The following ASAP2 variants were observed in gnomAD, a reference collection of about 807,000 sequenced individuals.
The protein encoded by ASAP2 is arf-GAP with SH3 domain, ANK repeat and PH domain-containing protein 2.
In ASAP2, 45 loss-of-function variants were observed where a neutral mutation model predicts 131.4. The observed-to-expected ratio is 0.34, with a 90% CI of 0.27 to 0.44. The LOEUF is 0.44. Ranked by LOEUF, ASAP2 falls within the 20% of genes least tolerant of loss-of-function variation. ASAP2 has a pLI of 1.00. For missense variants in ASAP2, 1,011 were observed against 1,297.0 expected (o/e 0.78, Z 3.39); for synonymous variants, 510 against 503.0 (o/e 1.01, Z -0.19).
chr2:9,216,683 A>C (rs1238581527), intron 1 of ASAP2, among the ~76,000 whole-genome samples: 1 of 150,374 alleles, frequency 6.7e-6, no homozygotes, highest in Non-Finnish European at 1.5e-5. Flanking sequence ...CTGGTCTCGA[A>C]CTCCTGACCT....
intron 3 of ASAP2, among the ~76,000 whole-genome samples, chr2:9,303,761 A>G (rs1668645897): frequency 6.6e-6 from 1 of 152,260 alleles, no homozygotes; most frequent in Non-Finnish European, 1.5e-5. Flanking sequence ...TGGTTGTGGC[A>G]TAGCCACATA....
rs116955299 is a variant in ASAP2 at position 9,217,271 on chromosome 2, G to A, written c.126+10041G>A. ...TTCTGGCAAATCCTTGTTGCTTCTC[G>A]TTTCCTGTTTGCCTCATCTGTCCTC... On this transcript the variant is annotated intron_variant, in intron 1 of 27. Transcript: ENST00000281419. This position sits in a 1 kb window ranked among gnomAD's most constrained non-coding sequence, Gnocchi z 4.0. 0.024 allele frequency among the ~76,000 whole-genome samples: 3,702 copies of A among 152,208 alleles called. 102 individuals carry two copies. The highest frequency in any genetic ancestry group is 0.087 in the Admixed American group (1,328 of 15,296).
At chr2:9,291,100 A>G (rs1667779349) in intron 2 of ASAP2, among the ~76,000 whole-genome samples, 1 of 152,226 alleles carries the variant, frequency 6.6e-6, no homozygotes, top group Non-Finnish European at 1.5e-5. Context: ...TTTAAAAGCC[A>G]ACATAATATT....
At chr2:9,352,132 G>GT (rs1672375886) in intron 12 of ASAP2, among the ~76,000 whole-genome samples, 1 of 152,114 alleles carries the variant, frequency 6.6e-6, no homozygotes, top group Non-Finnish European at 1.5e-5. Flanking sequence ...GGAGGCTGAG[G>GT]TAGGAGGATC....
At chr2:9,340,073 A>G (rs1351515149) in intron 9 of ASAP2, among the ~76,000 whole-genome samples, 3 of 152,174 alleles carry the variant, frequency 2.0e-5, no homozygotes, top group Non-Finnish European at 2.9e-5. Context: ...TCTAGGCTGG[A>G]GTGCAGTGGT....
chr2:9,277,820 ACT>A (rs1402568190), intron 1 of ASAP2, among the ~76,000 whole-genome samples: 1 of 152,146 alleles, frequency 6.6e-6, no homozygotes, highest in African/African-American at 2.4e-5. Flanking sequence ...TATTGCAGCC[ACT>A]CTGTCAAATG....
chr2:9,244,361 G>A (rs1021096729), intron 1 of ASAP2, among the ~76,000 whole-genome samples: 1 of 152,174 alleles, frequency 6.6e-6, no homozygotes, highest in African/African-American at 2.4e-5. Flanking sequence ...CCTTAGCAAG[G>A]TACACTGAGA....
At chr2:9,337,065 A>G (rs1167438171) in intron 9 of ASAP2, among the ~76,000 whole-genome samples, 1 of 152,244 alleles carries the variant, frequency 6.6e-6, no homozygotes, top group African/African-American at 2.4e-5. Context: ...GAAAGTAATA[A>G]CAAATTTACC....
intron 11 of ASAP2, among the ~76,000 whole-genome samples, chr2:9,345,575 A>G (rs543072030): frequency 5.6e-4 from 86 of 152,266 alleles, no homozygotes; most frequent in African/African-American, 2.0e-3. Flanking sequence ...CTTTGGTAAC[A>G]TCTCAAGGCC....
Position 9,232,476 on chromosome 2 carries a change from A to C in ASAP2, c.126+25246A>C, listed in dbSNP as rs994423408. 2.0e-5 allele frequency among the ~76,000 whole-genome samples: 3 copies of C among 152,240 alleles called. No individual in the cohort carries two copies. Among genetic ancestry groups the C allele is most frequent in the Non-Finnish European group, 4.4e-5 (3 of 68,050 alleles). On this transcript the variant is annotated intron_variant, in intron 1 of 27. Transcript: ENST00000281419. This position sits in a 1 kb window ranked among gnomAD's most constrained non-coding sequence, Gnocchi z 4.1. ...TGTTATTTACTGTCTGTCTTTGACA[A>C]ACTATGATCTTGGAAGTGCAGAGAA... is the stretch of plus-strand genomic sequence containing the variant.
rs1675832314 is a variant in ASAP2 at position 9,392,893 on chromosome 2, A to T, written c.2519-589A>T. ...GACTCACAGCCTCCCTCCAGGTCTT[A>T]CCAGCTCTGCCACCCTTGACGAGAG... On this transcript the variant is annotated intron_variant, in intron 23 of 27. Coordinates refer to ENST00000281419, the MANE Select transcript of ASAP2 (RefSeq NM_003887.3). The surrounding 1 kb of genome is among the most constrained non-coding windows in gnomAD (Gnocchi z 4.0). Among the ~76,000 whole-genome samples, 1 of 152,152 alleles carries T rather than the reference A, an allele frequency of 6.6e-6. No individual in the cohort carries two copies. The highest frequency in any genetic ancestry group is 2.1e-4 in the South Asian group (1 of 4,826).
chr2:9,382,930 G>A (rs1427464969), intron 20 of ASAP2, among the ~76,000 whole-genome samples: 2 of 152,190 alleles, frequency 1.3e-5, no homozygotes, highest in African/African-American at 2.4e-5. Context: ...CTGGCTGAGC[G>A]GTGGGAGGAC....
At chr2:9,323,045 C>G (rs755390881) in intron 5 of ASAP2, 76 bp from the exon 6 acceptor site, 30 of 1,578,194 alleles carry the variant, frequency 1.9e-5, no homozygotes, top group Non-Finnish European at 1.6e-5. Context: ...AGGCTGGGTA[C>G]TGGGGTGGCT....
At chr2:9,357,165 C>A (rs1438357869) in intron 14 of ASAP2, among the ~76,000 whole-genome samples, 1 of 148,914 alleles carries the variant, frequency 6.7e-6, no homozygotes, top group African/African-American at 2.6e-5. Flanking sequence ...TGTATTTGGC[C>A]TTGGATCCAT....
chr2:9,280,422 A>G (rs1030683233), intron 2 of ASAP2, among the ~76,000 whole-genome samples: 1 of 142,182 alleles, frequency 7.0e-6, no homozygotes, highest in Non-Finnish European at 1.5e-5. Flanking sequence ...TTCTCCCCCC[A>G]TGAGAGCTGT....
At chr2:9,368,779 A>T (rs2709578) in intron 16 of ASAP2, among the ~76,000 whole-genome samples, 11,385 of 151,916 alleles carry the variant, frequency 0.075, 1,149 homozygotes, top group African/African-American at 0.23. Context: ...CTCACTCGCC[A>T]CTGGTGGGTG....
intron 20 of ASAP2, 21 bp downstream of exon 20, chr2:9,380,829 A>G (rs1674782174): frequency 6.2e-7 from 1 of 1,611,416 alleles, no homozygotes; most frequent in Non-Finnish European, 8.5e-7. Flanking sequence ...CACCACAAGG[A>G]CGGGGTGGGG....
intron 15 of ASAP2, among the ~76,000 whole-genome samples, chr2:9,365,011 T>C (rs1304793754): frequency 2.0e-5 from 3 of 152,186 alleles, no homozygotes; most frequent in African/African-American, 7.2e-5. Flanking sequence ...ATTCTGAACA[T>C]TTTTTAAACC....
At position 9,207,366 on chromosome 2, in the gene ASAP2, A is replaced by G. The variant is rs1661190330; in HGVS notation, c.126+136A>G. The G allele has an allele frequency of 7.9e-7, 1 of 1,265,024 alleles. No homozygotes were observed. The highest frequency in any genetic ancestry group is 1.6e-5 in the African/African-American group (1 of 63,018). 78.4% of individuals were successfully genotyped at this position (1,265,024 alleles called of 1,614,324 possible). ...CGGCCGGGCCAACCCTGCCCGAGAC[A>G]GAAGCCCTTTGTTCCCGCCTAGGTG... is the stretch of plus-strand genomic sequence containing the variant. On this transcript the variant is annotated intron_variant, in intron 1 of 27. Coordinates refer to ENST00000281419, the MANE Select transcript of ASAP2 (RefSeq NM_003887.3). The surrounding 1 kb of genome is among the most constrained non-coding windows in gnomAD (Gnocchi z 4.1).
Sources: gnomAD v4.1 joint callset for allele counts (sites outside exome capture counted in the v4.1 genomes callset) on GRCh38, gnomAD v4.1.1 for gene constraint, Gnocchi (gnomAD v3.1) non-coding constraint, MANE v1.5 for transcripts, NCBI Gene and HGNC (gene_info 2026-07-23, HGNC 2026-07-21) for gene names.